Variants in ANKRD62 observed in about 807,000 individuals in gnomAD.
The protein encoded by ANKRD62 is ankyrin repeat domain 62.
ANKRD62 carries 61 observed loss-of-function variants against 98.8 expected under a neutral mutation model. The ratio of observed to expected loss-of-function variants is 0.62; its 90% CI spans 0.50 to 0.76. ANKRD62 has a LOEUF of 0.76. Ranked by LOEUF, ANKRD62 falls within the 30% of genes least tolerant of loss-of-function variation. The pLI, the probability that ANKRD62 is intolerant of heterozygous loss-of-function variation, is 0.00. For synonymous variants in ANKRD62, 341 were observed against 367.9 expected (o/e 0.93, Z 0.84); for missense variants, 933 against 1,082.9 (o/e 0.86, Z 1.94).
the ANKRD62 span, among the ~76,000 whole-genome samples, chr18:12,149,963 G>GA: frequency 0.017 from 2,650 of 151,806 alleles, 1 homozygote; most frequent in African/African-American, 0.06. Context: ...GATAGAAATA[G>GA]AATTCAGACT....
the ANKRD62 span, among the ~76,000 whole-genome samples, chr18:12,162,733 C>T: frequency 2.6e-5 from 4 of 151,942 alleles, no homozygotes; most frequent in Non-Finnish European, 4.4e-5. Context: ...TTCTGCATAT[C>T]GACATCTAGT....
chr18:12,175,303 C>T, the ANKRD62 span, among the ~76,000 whole-genome samples: 1 of 151,990 alleles, frequency 6.6e-6, no homozygotes, highest in South Asian at 2.1e-4. Context: ...CAGGGTAGGG[C>T]ACTGGTGGTG....
chr18:12,171,728 G>C, the ANKRD62 span, among the ~76,000 whole-genome samples: 2 of 152,194 alleles, frequency 1.3e-5, no homozygotes, highest in African/African-American at 4.8e-5. Flanking sequence ...ATATCCTGCA[G>C]AGTGTTTTCC....
intron 8 of ANKRD62, among the ~76,000 whole-genome samples, chr18:12,113,579 T>C (rs1406645244): frequency 6.6e-6 from 1 of 152,050 alleles, no homozygotes; most frequent in African/African-American, 2.4e-5. Context: ...TGAGCCAAGA[T>C]CACGCCACTG....
rs75019909 is a variant in ANKRD62 at position 12,117,328 on chromosome 18, A to G, written c.1240+1794A>G. Reference sequence around the variant, plus strand: ...TAGACAACCTGTACAATTAATGAACACAGCTGTGCTCATTGACGAAGACAA... The same window carrying G: ...TAGACAACCTGTACAATTAATGAACGCAGCTGTGCTCATTGACGAAGACAA... On this transcript the variant is annotated intron_variant, in intron 10 of 13. Transcript: ENST00000587848. Among the ~76,000 whole-genome samples the G allele has an allele frequency of 5.3e-5, 8 of 152,228 alleles. No individual in the cohort carries two copies. The East Asian group carries it at 1.5e-3, about 29-fold the overall frequency.
the ANKRD62 span, among the ~76,000 whole-genome samples, chr18:12,139,333 G>T: frequency 2.0e-5 from 3 of 152,200 alleles, no homozygotes; most frequent in Non-Finnish European, 4.4e-5. Context: ...GAAATTCTGG[G>T]TTGAAAATTC....
At chr18:12,100,673 T>G (rs1316617264) in intron 6 of ANKRD62, among the ~76,000 whole-genome samples, 1 of 152,196 alleles carries the variant, frequency 6.6e-6, no homozygotes, top group Non-Finnish European at 1.5e-5. Context: ...AATAAATTCC[T>G]TATTGAGAAG....
downstream of ANKRD62, among the ~76,000 whole-genome samples, chr18:12,133,069 C>T (rs1204898782): frequency 6.6e-6 from 1 of 152,126 alleles, no homozygotes; most frequent in East Asian, 1.9e-4. Flanking sequence ...CATTAAATAT[C>T]TTCCTATAAT....
At chr18:12,099,855 T>C (rs1173177520) in intron 6 of ANKRD62, among the ~76,000 whole-genome samples, 173 bp downstream of exon 6, 1 of 152,150 alleles carries the variant, frequency 6.6e-6, no homozygotes, top group Non-Finnish European at 1.5e-5. Context: ...AAAAGTTACT[T>C]GTAGGCAAGT....
At chr18:12,167,860 T>C in the ANKRD62 span, among the ~76,000 whole-genome samples, 2 of 152,252 alleles carry the variant, frequency 1.3e-5, no homozygotes, top group African/African-American at 2.4e-5. Context: ...GTGGTTTTGA[T>C]TTGCATTTCT....
At chr18:12,110,711 T>C (rs1029530456) in intron 8 of ANKRD62, among the ~76,000 whole-genome samples, 2 of 152,178 alleles carry the variant, frequency 1.3e-5, no homozygotes, top group Non-Finnish European at 2.9e-5. Context: ...ATTTTTTCAC[T>C]GTAATACATC....
intron 6 of ANKRD62, chr18:12,102,270 C>CT: frequency 1.3e-6 from 1 of 757,162 alleles, no homozygotes; most frequent in Non-Finnish European, 2.5e-6. Flanking sequence ...GACCCTCTCA[C>CT]TAGTCCAGTG....
chr18:12,115,576 T>C (rs1383562411), intron 10 of ANKRD62, 42 bp downstream of exon 10: 4 of 1,497,252 alleles, frequency 2.7e-6, no homozygotes, highest in East Asian at 2.5e-5. Flanking sequence ...CCCTATCCTA[T>C]AGTAATGTAT....
At chr18:12,112,608 A>G (rs1909568004) in intron 8 of ANKRD62, among the ~76,000 whole-genome samples, 1 of 152,182 alleles carries the variant, frequency 6.6e-6, no homozygotes, top group African/African-American at 2.4e-5. Flanking sequence ...AACTATAAAA[A>G]CCCAGGAAGA....
intron 8 of ANKRD62, among the ~76,000 whole-genome samples, chr18:12,112,905 T>C (rs552115423): frequency 2.0e-5 from 3 of 152,238 alleles, no homozygotes; most frequent in South Asian, 4.2e-4. Context: ...CAGATTTCTT[T>C]TTTTCTTTTT....
intron 13 of ANKRD62, among the ~76,000 whole-genome samples, chr18:12,127,293 G>A (rs1329877969): frequency 6.6e-6 from 1 of 152,144 alleles, no homozygotes; most frequent in African/African-American, 2.4e-5. Context: ...GTTAACTAGA[G>A]CCTCTAAGGC....
the ANKRD62 span, among the ~76,000 whole-genome samples, chr18:12,139,461 G>A: frequency 9.0e-4 from 137 of 152,100 alleles, no homozygotes; most frequent in African/African-American, 3.1e-3. Flanking sequence ...TGGCTAACAT[G>A]GTGAAACCCC....
chr18:12,099,648 C>T lies in ANKRD62; in HGVS notation c.786C>T (p.Asn262=), dbSNP rs1166670124. 5 of 1,492,320 alleles carry T rather than the reference C, an allele frequency of 3.4e-6. No individual in the cohort carries two copies. In the African/African-American group the frequency reaches 7.0e-5, roughly 21 times the overall value. 92.4% of individuals were successfully genotyped at this position (1,492,320 alleles called of 1,614,324 possible). A position where few individuals can be genotyped will look rare whatever the true frequency, so the allele number is the denominator to read the frequency against. The part of the protein sequence containing the change: ...IRGMISEYKA[N]KRCKSLQNSN... ...GAATGATTTCTGAATATAAAGCAAA[C>T]AAGAGATGTAAAAGTCTTCAAAATA... Residue 262 remains asparagine, a synonymous_variant, in exon 6 of 14, where the codon AAC becomes AAT. Transcript: ENST00000587848.
the ANKRD62 span, among the ~76,000 whole-genome samples, chr18:12,137,360 TCATATGTTGAACCAGCCTTG>T: frequency 6.6e-6 from 1 of 152,058 alleles, no homozygotes; most frequent in Non-Finnish European, 1.5e-5. Flanking sequence ...TTATTGATTT[TCATATGTTGAACCAGCCTTG>T]CATCCCAGGG....
Sources: allele counts gnomAD v4.1 joint callset (sites outside exome capture counted in the v4.1 genomes callset), GRCh38; gene constraint gnomAD v4.1.1; transcripts MANE v1.5; gene names NCBI Gene and HGNC (gene_info 2026-07-23, HGNC 2026-07-21).